The following STT3B variants were observed in gnomAD, a reference collection of about 807,000 sequenced individuals.
The protein encoded by STT3B is dolichyl-diphosphooligosaccharide--protein glycosyltransferase subunit STT3B.
STT3B carries 29 observed loss-of-function variants against 96.8 expected under a neutral mutation model. The ratio of observed to expected loss-of-function variants is 0.30; its 90% CI spans 0.22 to 0.41. The LOEUF (loss-of-function observed/expected upper bound fraction) is 0.41. Ranked by LOEUF, STT3B falls within the 10% of genes least tolerant of loss-of-function variation. The pLI is 1.00. For missense variants in STT3B, 640 were observed against 1,022.3 expected (o/e 0.63, Z 5.10); for synonymous variants, 367 against 360.0 (o/e 1.02, Z -0.22).
chr3:31,550,019 CTCT>C (rs1287404349), intron 1 of STT3B, among the ~76,000 whole-genome samples: 3 of 151,942 alleles, frequency 2.0e-5, no homozygotes, highest in Admixed American at 6.6e-5. Flanking sequence ...CTCTAACAGC[CTCT>C]TATTTTGTTG....
intron 1 of STT3B, among the ~76,000 whole-genome samples, chr3:31,569,874 A>G (rs542934505): frequency 1.3e-5 from 2 of 152,156 alleles, no homozygotes; most frequent in South Asian, 2.1e-4. Flanking sequence ...TATGTTACTC[A>G]TATGTGTCAT....
intron 1 of STT3B, among the ~76,000 whole-genome samples, chr3:31,558,079 G>T (rs1305862776): frequency 6.6e-6 from 1 of 152,154 alleles, no homozygotes; most frequent in Non-Finnish European, 1.5e-5. Context: ...GAGTTTTTTG[G>T]CAGAGTCTTT....
intron 1 of STT3B, among the ~76,000 whole-genome samples, chr3:31,552,573 G>T (rs183351937): frequency 1.7e-4 from 26 of 151,720 alleles, no homozygotes; most frequent in Admixed American, 6.6e-4. Flanking sequence ...TTTATTTTCT[G>T]TTAGCATTAT....
At position 31,533,107 on chromosome 3, in the gene STT3B, G is replaced by C. The variant is rs745319362; in HGVS notation, c.109G>C (p.Gly37Arg). 2.8e-5 allele frequency: 40 copies of C among 1,412,388 alleles called. No individual in the cohort carries two copies. Among genetic ancestry groups the C allele is most frequent in the Non-Finnish European group, 3.5e-5 (38 of 1,083,484 alleles). The allele number at this position is 1,412,388 out of a possible 1,614,324, so 87.5% of individuals were successfully genotyped here. A position where few individuals can be genotyped will look rare whatever the true frequency, so the allele number is the denominator to read the frequency against. The part of the protein sequence containing the change: ...GNSRHGHHGP[G>R]AQCAHKAAGG... ...CAGCCGGCACGGCCACCACGGGCCC[G>C]GGGCCCAGTGCGCGCACAAGGCGGC... The change falls in exon 1 of 16, where the codon GGG (glycine) becomes CGG (arginine). Residue 37 changes from glycine (G) to arginine (R), a missense_variant. This residue lies in a region of STT3B where 89 missense variants were observed against 81.7 expected (regional missense o/e 1.09). Transcript: ENST00000295770.
intron 9 of STT3B, 111 bp from the exon 10 acceptor site, chr3:31,621,985 GT>G: frequency 1.4e-6 from 1 of 725,480 alleles, no homozygotes; most frequent in Non-Finnish European, 2.4e-6. Context: ...CAATTAGATC[GT>G]TTGTGAGACA....
chr3:31,555,634 ACTTGT>A (rs1446167568), intron 1 of STT3B, among the ~76,000 whole-genome samples: 1 of 152,014 alleles, frequency 6.6e-6, no homozygotes, highest in Non-Finnish European at 1.5e-5. Flanking sequence ...ACTTATTTAT[ACTTGT>A]CTTGTTCTTT....
At chr3:31,575,017 C>T (rs1162074928) in intron 1 of STT3B, among the ~76,000 whole-genome samples, 1 of 151,832 alleles carries the variant, frequency 6.6e-6, no homozygotes, top group African/African-American at 2.4e-5. Context: ...ACAATTTTGC[C>T]ATTCAAAATC....
chr3:31,612,469 G>A (rs1328741107), intron 5 of STT3B, among the ~76,000 whole-genome samples: 3 of 152,150 alleles, frequency 2.0e-5, no homozygotes, highest in East Asian at 3.8e-4. Context: ...GTAAAATACT[G>A]TTGAAAACTT....
At chr3:31,591,278 A>G (rs539019699) in intron 3 of STT3B, among the ~76,000 whole-genome samples, 4 of 152,230 alleles carry the variant, frequency 2.6e-5, no homozygotes, top group South Asian at 2.1e-4. Flanking sequence ...GATTGATTTC[A>G]TATGATTCCT....
rs554927109 is a variant in STT3B, at chr3:31,612,021, T to C, written c.878-3084T>C. On this transcript the variant is annotated intron_variant, in intron 5 of 15. Coordinates refer to ENST00000295770, the MANE Select transcript of STT3B (RefSeq NM_178862.3). ...TCTGGCAAGCAATCTTCAACTTTAT[T>C]TAATGGAAGTACAAGTTGAGTACTC... is the stretch of plus-strand genomic sequence containing the variant. Among the ~76,000 whole-genome samples the C allele has an allele frequency of 4.6e-5, 7 of 152,314 alleles. No individual in the cohort carries two copies. In the South Asian group the frequency reaches 1.4e-3, roughly 32 times the overall value.
At chr3:31,574,784 C>T (rs1698229891) in intron 1 of STT3B, among the ~76,000 whole-genome samples, 1 of 152,002 alleles carries the variant, frequency 6.6e-6, no homozygotes. Flanking sequence ...TTTGTCATTC[C>T]TTTGTAGAAA....
In STT3B at chr3:31,532,939, C is replaced by A; in HGVS notation, c.-60C>A. The A allele has an allele frequency of 1.3e-6, 2 of 1,537,440 alleles. No individual in the cohort carries two copies. The highest frequency in any genetic ancestry group is 1.2e-5 in the South Asian group (1 of 83,452). On this transcript the variant is annotated 5_prime_UTR_variant, in exon 1 of 16. Coordinates refer to ENST00000295770, the MANE Select transcript of STT3B (RefSeq NM_178862.3). ...TCCTCCTCCGGGTCCCCGCCCAGCA[C>A]CCCTCGCACCAGGCGGCGGCGGCGG...
At chr3:31,623,609 T>C (rs2125476358) in intron 10 of STT3B, 65 bp from the exon 11 acceptor site, 2 of 1,263,052 alleles carry the variant, frequency 1.6e-6, no homozygotes, top group Non-Finnish European at 2.2e-6. Flanking sequence ...ACTTTTTCCA[T>C]TGAGTATCTT....
chr3:31,535,754 T>A (rs1386851436), intron 1 of STT3B, among the ~76,000 whole-genome samples: 7 of 152,180 alleles, frequency 4.6e-5, no homozygotes, highest in Non-Finnish European at 1.0e-4. Context: ...GCTTCATTTT[T>A]TATATATATG....
At chr3:31,559,146 G>GGGGTGTGTGTGTGT (rs949401027) in intron 1 of STT3B, among the ~76,000 whole-genome samples, 1 of 116,532 alleles carries the variant, frequency 8.6e-6, no homozygotes, top group Non-Finnish European at 1.8e-5. Flanking sequence ...TGATTCTTGG[G>GGGGTGTGTGTGTGT]GTGTGTGTGT....
chr3:31,533,345 G>A (rs750329295), intron 1 of STT3B, 33 bp downstream of exon 1: 8 of 1,472,454 alleles, frequency 5.4e-6, no homozygotes, highest in Non-Finnish European at 7.2e-6. Flanking sequence ...CCCGCCCGTG[G>A]CCCGCGGGGA....
At chr3:31,590,258 A>T (rs1698637790) in intron 3 of STT3B, among the ~76,000 whole-genome samples, 1 of 151,992 alleles carries the variant, frequency 6.6e-6, no homozygotes, top group East Asian at 1.9e-4. Flanking sequence ...AAGCTTATCC[A>T]ACTTTGGGTT....
intron 1 of STT3B, among the ~76,000 whole-genome samples, chr3:31,572,597 C>A (rs556319779): frequency 6.6e-6 from 1 of 152,308 alleles, no homozygotes; most frequent in African/African-American, 2.4e-5. Flanking sequence ...TGCGATGGCT[C>A]ACGCCAGTAA....
At chr3:31,631,946 C>T (rs1160736545) in intron 14 of STT3B, among the ~76,000 whole-genome samples, 1 of 152,034 alleles carries the variant, frequency 6.6e-6, no homozygotes, top group African/African-American at 2.4e-5. Flanking sequence ...GTGTTGACCT[C>T]CTGGGCTCAG....
Sources: allele counts gnomAD v4.1 joint callset (sites outside exome capture counted in the v4.1 genomes callset), GRCh38; gene constraint gnomAD v4.1.1; regional missense constraint gnomAD v4.1.1; transcripts MANE v1.5; gene names NCBI Gene and HGNC (gene_info 2026-07-23, HGNC 2026-07-21).